Variants in RASAL2 observed in about 807,000 individuals in gnomAD.
RASAL2 encodes the protein ras GTPase-activating protein nGAP.
A neutral mutation model predicts 128.9 loss-of-function variants in RASAL2; 58 were observed. The observed-to-expected ratio is 0.45, with a 90% CI of 0.36 to 0.56. The LOEUF (loss-of-function observed/expected upper bound fraction) is 0.56, where lower values mean the gene tolerates loss of function less well. RASAL2 is among the 20% of genes least tolerant of loss of function. The pLI is 0.00. For missense variants in RASAL2, 1,360 were observed against 1,601.6 expected (o/e 0.85, Z 2.57); for synonymous variants, 561 against 580.8 (o/e 0.97, Z 0.49).
intron 3 of RASAL2, among the ~76,000 whole-genome samples, chr1:178,365,604 T>C (rs1322660224): frequency 2.0e-5 from 3 of 152,260 alleles, no homozygotes; most frequent in Middle Eastern, 3.4e-3. Context: ...CCCAAGTAGC[T>C]GGGATTACAG....
At chr1:178,232,049 A>G (rs1226506807) in intron 1 of RASAL2, among the ~76,000 whole-genome samples, 1 of 152,172 alleles carries the variant, frequency 6.6e-6, no homozygotes, top group Admixed American at 6.5e-5. Flanking sequence ...CCTGTTTTTC[A>G]TTGTAAAACA....
At chr1:178,339,830 G>T (rs186581302) in intron 3 of RASAL2, among the ~76,000 whole-genome samples, 2 of 152,158 alleles carry the variant, frequency 1.3e-5, no homozygotes, top group East Asian at 3.9e-4. Context: ...TGCTGTGTTT[G>T]TAAGTCAAAA....
intron 1 of RASAL2, among the ~76,000 whole-genome samples, chr1:178,172,276 A>G (rs1348617821): frequency 6.6e-6 from 1 of 152,082 alleles, no homozygotes; most frequent in Admixed American, 6.6e-5. Flanking sequence ...TGTGAGGGGA[A>G]TGGCTGCCTC....
chr1:178,371,777 T>G (rs142784174), intron 3 of RASAL2, among the ~76,000 whole-genome samples: 17 of 152,332 alleles, frequency 1.1e-4, no homozygotes, highest in African/African-American at 3.1e-4. Context: ...CTTTTGTCTT[T>G]GTTTTTGTTT....
intron 9 of RASAL2, among the ~76,000 whole-genome samples, chr1:178,449,839 TGAA>T (rs1176810156): frequency 4.6e-5 from 7 of 152,146 alleles, no homozygotes; most frequent in Non-Finnish European, 1.0e-4. Flanking sequence ...GCACTTTTCT[TGAA>T]GAATTAAAGA....
intron 3 of RASAL2, among the ~76,000 whole-genome samples, chr1:178,335,670 C>A (rs548334291): frequency 4.7e-4 from 71 of 152,280 alleles, no homozygotes; most frequent in African/African-American, 1.7e-3. Context: ...AAGTCAGGAG[C>A]TGCCTCTCAG....
chr1:178,346,475 A>G (rs1670162156), intron 3 of RASAL2, among the ~76,000 whole-genome samples: 1 of 152,052 alleles, frequency 6.6e-6, no homozygotes, highest in South Asian at 2.1e-4. Context: ...TCCTTGAAGC[A>G]TTTTTCCTCC....
At chr1:178,366,594 C>T (rs1671416661) in intron 3 of RASAL2, among the ~76,000 whole-genome samples, 1 of 63,406 alleles carries the variant, frequency 1.6e-5, no homozygotes, top group Non-Finnish European at 2.5e-5. Context: ...CCCCCCCCCG[C>T]CAAAAAAAAA....
intron 3 of RASAL2, among the ~76,000 whole-genome samples, chr1:178,351,908 AT>A (rs1670532785): frequency 6.6e-6 from 1 of 152,194 alleles, no homozygotes; most frequent in South Asian, 2.1e-4. Context: ...TGCTCATTTA[AT>A]TTTACATAAA....
At chr1:178,280,886 G>A (rs1666748791) in intron 1 of RASAL2, among the ~76,000 whole-genome samples, 1 of 152,010 alleles carries the variant, frequency 6.6e-6, no homozygotes, top group Non-Finnish European at 1.5e-5. Context: ...GATAGGATTG[G>A]CAAGGTGAAA....
At chr1:178,274,928 A>G (rs182658093) in intron 1 of RASAL2, among the ~76,000 whole-genome samples, 135 of 152,368 alleles carry the variant, frequency 8.9e-4, no homozygotes, top group Non-Finnish European at 1.5e-3. Context: ...TATTTAAGAA[A>G]AAATTGTAGA....
chr1:178,144,427 A>G (rs150387980), intron 1 of RASAL2, among the ~76,000 whole-genome samples: 1 of 152,220 alleles, frequency 6.6e-6, no homozygotes, highest in Non-Finnish European at 1.5e-5. Context: ...ATTGATTTTT[A>G]AAAATATTTT....
At chr1:178,142,680 G>T (rs890306513) in intron 1 of RASAL2, among the ~76,000 whole-genome samples, 1 of 152,162 alleles carries the variant, frequency 6.6e-6, no homozygotes, top group Non-Finnish European at 1.5e-5. Flanking sequence ...TAGGCGCAGT[G>T]TAAGTGATAC....
chr1:178,298,619 T>C (rs1029921557), intron 2 of RASAL2, among the ~76,000 whole-genome samples: 1 of 152,192 alleles, frequency 6.6e-6, no homozygotes, highest in African/African-American at 2.4e-5. Context: ...ATTGATGCAA[T>C]ACATGTCCAT....
At chr1:178,434,128 A>G (rs1676104576) in intron 5 of RASAL2, among the ~76,000 whole-genome samples, 3 of 152,078 alleles carry the variant, frequency 2.0e-5, no homozygotes, top group African/African-American at 7.2e-5. Flanking sequence ...TCTGTTTTTT[A>G]AAATTCAATG....
intron 4 of RASAL2, among the ~76,000 whole-genome samples, chr1:178,396,826 T>TAAA (rs60205143): frequency 0.075 from 10,017 of 134,024 alleles, 678 homozygotes; most frequent in African/African-American, 0.18. Context: ...GAGTGGCTGG[T>TAAA]AAAAAAAAAA....
intron 3 of RASAL2, among the ~76,000 whole-genome samples, chr1:178,311,571 A>T (rs192957309): frequency 6.6e-6 from 1 of 151,998 alleles, no homozygotes; most frequent in African/African-American, 2.4e-5. Context: ...GTATCTTTGG[A>T]TTGGGAGATA....
At chr1:178,141,205 T>TTTTTTTTTTTTTTTTTC (rs1660520286) in intron 1 of RASAL2, among the ~76,000 whole-genome samples, 3 of 139,980 alleles carry the variant, frequency 2.1e-5, no homozygotes, top group South Asian at 2.4e-4. Flanking sequence ...TTTTTTTTTT[T>TTTTTTTTTTTTTTTTTC]TTTTTTTTTT....
chr1:178,212,698 G>A (rs1166214373), intron 1 of RASAL2, among the ~76,000 whole-genome samples: 8 of 152,024 alleles, frequency 5.3e-5, no homozygotes. Flanking sequence ...CACCGTATTG[G>A]CCAGGCTGGT....
Sources: gnomAD v4.1 joint callset for allele counts (sites outside exome capture counted in the v4.1 genomes callset) on GRCh38, gnomAD v4.1.1 for gene constraint, MANE v1.5 for transcripts, NCBI Gene and HGNC (gene_info 2026-07-23, HGNC 2026-07-21) for gene names.